BMP3: variants seen among roughly 807,000 people sequenced by gnomAD.
BMP3 encodes bone morphogenetic protein 3 (osteogenic).
A neutral mutation model predicts 38.1 loss-of-function variants in BMP3; 23 were observed. The ratio of observed to expected loss-of-function variants is 0.60; its 90% CI spans 0.43 to 0.86. The LOEUF is 0.86. Ranked by LOEUF, BMP3 falls within the 40% of genes least tolerant of loss-of-function variation. The pLI, the probability that BMP3 is intolerant of heterozygous loss-of-function variation, is 0.00. For missense variants in BMP3, 628 were observed against 579.6 expected (o/e 1.08, Z -0.86); for synonymous variants, 258 against 225.7 (o/e 1.14, Z -1.28).
At position 81,053,601 on chromosome 4, in the gene BMP3, G is replaced by T. The variant is rs1042122004; in HGVS notation, c.*65G>T. On this transcript the variant is annotated 3_prime_UTR_variant, in exon 3 of 3. Coordinates refer to ENST00000282701, the MANE Select transcript of BMP3 (RefSeq NM_001201.5). ...AGTTTATTTTTATGGACTTCTTCCT[G>T]TTTTTTTTTTTTTTTTTTTTGCACT... The T allele has an allele frequency of 0.031, 11,165 of 356,188 alleles. No individual in the cohort carries two copies. The highest frequency in any genetic ancestry group is 0.052 in the South Asian group (487 of 9,416). The allele number at this position is 356,188 out of a possible 1,614,324, so 22.1% of individuals were successfully genotyped here. A position where few individuals can be genotyped will look rare whatever the true frequency, so the allele number is the denominator to read the frequency against.
rs1740486487 is a variant in BMP3 at position 81,054,265 on chromosome 4, T to C, written c.*729T>C. Reference sequence around the variant, plus strand: ...AATATGATAGAATAATTCAAGAGCATATACAGAGAGTTACCACTTGACCCA... The same window carrying C: ...AATATGATAGAATAATTCAAGAGCACATACAGAGAGTTACCACTTGACCCA... On this transcript the variant is annotated 3_prime_UTR_variant, in exon 3 of 3. Transcript: ENST00000282701. 1 of 152,634 alleles carries C rather than the reference T, an allele frequency of 6.6e-6. No individual in the cohort carries two copies. Among genetic ancestry groups the C allele is most frequent in the African/African-American group, 2.4e-5 (1 of 41,458 alleles). The allele number at this position is 152,634 out of a possible 1,614,324, so 9.5% of individuals were successfully genotyped here.
intron 1 of BMP3, among the ~76,000 whole-genome samples, chr4:81,034,032 G>A (rs1739854001): frequency 6.6e-6 from 1 of 152,088 alleles, no homozygotes; most frequent in African/African-American, 2.4e-5. Flanking sequence ...TTTGTGCCTT[G>A]GTACATACCT....
At chr4:81,050,392 C>G (rs1390254140) in intron 2 of BMP3, among the ~76,000 whole-genome samples, 1 of 152,178 alleles carries the variant, frequency 6.6e-6, no homozygotes, top group Non-Finnish European at 1.5e-5. Flanking sequence ...AATACCCATA[C>G]AGTTAATGCC....
intron 1 of BMP3, among the ~76,000 whole-genome samples, chr4:81,031,945 C>A (rs1739784455): frequency 6.6e-6 from 1 of 152,092 alleles, no homozygotes; most frequent in South Asian, 2.1e-4. Context: ...TCTAGGGTAC[C>A]TTATTCTGTT....
At chr4:81,044,990 C>T (rs150139142) in intron 1 of BMP3, among the ~76,000 whole-genome samples, 264 of 152,224 alleles carry the variant, frequency 1.7e-3, no homozygotes, top group African/African-American at 6.3e-3. Flanking sequence ...AGAGCAATTG[C>T]GGAATCATAA....
In BMP3 at chr4:81,057,509, G is replaced by A. The variant is rs1044231989; in HGVS notation, c.*3973G>A. The A allele has an allele frequency of 1.3e-5, 2 of 151,882 alleles. No homozygotes were observed. The highest frequency in any genetic ancestry group is 4.8e-5 in the African/African-American group (2 of 41,366). The allele number at this position is 151,882 out of a possible 1,614,324, so 9.4% of individuals were successfully genotyped here. A position where few individuals can be genotyped will look rare whatever the true frequency, so the allele number is the denominator to read the frequency against. The stretch of plus-strand genomic sequence containing the variant: ...TGAAAAGCTATTCATTATACAGTAT[G>A]GAAATAAAAATTGCTTCATTGACCA... On this transcript the variant is annotated 3_prime_UTR_variant, in exon 3 of 3. Coordinates refer to ENST00000282701, the MANE Select transcript of BMP3 (RefSeq NM_001201.5).
At chr4:81,032,179 A>C in intron 1 of BMP3, among the ~76,000 whole-genome samples, 1 of 110,400 alleles carries the variant, frequency 9.1e-6, no homozygotes, top group Admixed American at 1.4e-4. Flanking sequence ...ACTTTACTTG[A>C]TAGTTCCTTA....
intron 1 of BMP3, among the ~76,000 whole-genome samples, chr4:81,034,666 T>TA (rs1454785638): frequency 6.6e-6 from 1 of 152,170 alleles, no homozygotes; most frequent in Non-Finnish European, 1.5e-5. Context: ...TATCACCTTT[T>TA]AAAAAATCTC....
chr4:81,035,170 G>A (rs148018509), intron 1 of BMP3, among the ~76,000 whole-genome samples: 3 of 151,990 alleles, frequency 2.0e-5, no homozygotes, highest in African/African-American at 7.2e-5. Flanking sequence ...TAACAAGCAA[G>A]ACAGCTTCAT....
intron 1 of BMP3, 43 bp from the exon 2 acceptor site, chr4:81,045,695 G>A (rs1199023408): frequency 1.4e-6 from 2 of 1,433,928 alleles, no homozygotes. Context: ...TGAAGTAATG[G>A]TCTTGTTTTC....
chr4:81,050,019 C>G (rs1341241737), intron 2 of BMP3, among the ~76,000 whole-genome samples: 1 of 152,190 alleles, frequency 6.6e-6, no homozygotes, highest in South Asian at 2.1e-4. Context: ...AACCTGTTCT[C>G]TAATTCAGAA....
chr4:81,047,480 T>G (rs553270842), intron 2 of BMP3, among the ~76,000 whole-genome samples: 1 of 151,734 alleles, frequency 6.6e-6, no homozygotes, highest in South Asian at 2.1e-4. Flanking sequence ...GTGGCACTCT[T>G]CAGCCTTCAG....
intron 2 of BMP3, among the ~76,000 whole-genome samples, chr4:81,051,477 C>T (rs1740398429): frequency 6.6e-6 from 1 of 152,112 alleles, no homozygotes; most frequent in Non-Finnish European, 1.5e-5. Flanking sequence ...AGTCATTAAA[C>T]ATTAAAATAA....
intron 1 of BMP3, among the ~76,000 whole-genome samples, chr4:81,033,842 T>G (rs371559543): frequency 5.1e-4 from 78 of 152,292 alleles, no homozygotes; most frequent in African/African-American, 1.8e-3. Context: ...CTGTCTAAAT[T>G]AATATAGTAG....
chr4:81,032,065 G>A (rs1208024253), intron 1 of BMP3, among the ~76,000 whole-genome samples: 1 of 151,972 alleles, frequency 6.6e-6, no homozygotes, highest in African/African-American at 2.4e-5. Flanking sequence ...AATCATACTT[G>A]AATAAGACGC....
In BMP3 at chr4:81,045,808, T is replaced by C. The variant is rs1196412683; in HGVS notation, c.387T>C (p.Ser129=). Residue 129 remains serine, a synonymous_variant, in exon 2 of 3, where the codon TCT becomes TCC. Transcript: ENST00000282701. ...TAACCAAGTCTGAAAACATTTTGTC[T>C]GCCACACTGTATTTCTGTATTGGAG... ...TSLTKSENIL[S]ATLYFCIGEL... The C allele has an allele frequency of 6.2e-7, 1 of 1,613,964 alleles. No homozygotes were observed. Among genetic ancestry groups the C allele is most frequent in the Admixed American group, 1.7e-5 (1 of 59,956 alleles).
At chr4:81,042,758 C>G (rs924378180) in intron 1 of BMP3, among the ~76,000 whole-genome samples, 1 of 152,214 alleles carries the variant, frequency 6.6e-6, no homozygotes, top group African/African-American at 2.4e-5. Context: ...TCCCTGCCAG[C>G]ATGTTTGTTT....
In BMP3 at chr4:81,054,176, G is replaced by A. The variant is rs1393066164; in HGVS notation, c.*640G>A. 1 of 152,468 alleles carries A rather than the reference G, an allele frequency of 6.6e-6. No homozygotes were observed. Among genetic ancestry groups the A allele is most frequent in the Non-Finnish European group, 1.5e-5 (1 of 68,008 alleles). The allele number at this position is 152,468 out of a possible 1,614,324, so 9.4% of individuals were successfully genotyped here. ...ATGGTTTTATAATTCAGTTTACACAGGATTCTTTATTTTTTTTAATTTTGT... is the reference window on the plus strand; with the variant it reads ...ATGGTTTTATAATTCAGTTTACACAAGATTCTTTATTTTTTTTAATTTTGT... On this transcript the variant is annotated 3_prime_UTR_variant, in exon 3 of 3. Transcript: ENST00000282701.
At chr4:81,036,958 G>A (rs950427843) in intron 1 of BMP3, among the ~76,000 whole-genome samples, 5 of 151,832 alleles carry the variant, frequency 3.3e-5, no homozygotes, top group East Asian at 1.9e-4. Context: ...AAATGACCAC[G>A]GTGGTTTTAT....
Sources: allele counts gnomAD v4.1 joint callset (sites outside exome capture counted in the v4.1 genomes callset), GRCh38; gene constraint gnomAD v4.1.1; transcripts MANE v1.5; gene names NCBI Gene and HGNC (gene_info 2026-07-23, HGNC 2026-07-21).